The following PTPRN2 variants were observed in gnomAD, a reference collection of about 807,000 sequenced individuals.
PTPRN2 encodes protein tyrosine phosphatase receptor type N2, also known as receptor-type tyrosine-protein phosphatase N2.
In PTPRN2, 74 loss-of-function variants were observed where a neutral mutation model predicts 118.8. The ratio of observed to expected loss-of-function variants is 0.62; its 90% CI spans 0.52 to 0.76. The LOEUF (loss-of-function observed/expected upper bound fraction) is 0.76. Ranked by LOEUF, PTPRN2 falls within the 30% of genes least tolerant of loss-of-function variation. The pLI is 0.00. For synonymous variants in PTPRN2, 641 were observed against 608.0 expected, an observed-to-expected ratio of 1.05 and a Z score of -0.80; for missense variants, 1,481 against 1,394.4, an observed-to-expected ratio of 1.06 and a Z score of -0.99.
intron 3 of PTPRN2, among the ~76,000 whole-genome samples, chr7:158,301,504 CCTACACACCA>C (rs1350323119): frequency 6.6e-6 from 1 of 152,240 alleles, no homozygotes; most frequent in East Asian, 1.9e-4. Context: ...TCCCGGTTAA[CCTACACACCA>C]CTCCCCAGCT....
chr7:157,766,558 C>A (rs1696525854), intron 12 of PTPRN2, among the ~76,000 whole-genome samples: 8 of 152,238 alleles, frequency 5.3e-5, no homozygotes, highest in Admixed American at 5.2e-4. Flanking sequence ...AAAAGCTATT[C>A]TCAGAGCTTC....
At chr7:157,705,029 C>T (rs1298855100) in intron 12 of PTPRN2, among the ~76,000 whole-genome samples, 5 of 152,308 alleles carry the variant, frequency 3.3e-5, no homozygotes, top group South Asian at 4.1e-4. Flanking sequence ...TGTACTTGGC[C>T]GGGCGTGGTG....
At chr7:158,568,140 C>T (rs1185266414) in intron 1 of PTPRN2, among the ~76,000 whole-genome samples, 1 of 152,114 alleles carries the variant, frequency 6.6e-6, no homozygotes, top group Non-Finnish European at 1.5e-5. Flanking sequence ...GTAGTTCCAG[C>T]TACTTGGGAG....
At position 157,629,691 on chromosome 7, in the gene PTPRN2, C is replaced by T. The variant is rs1213044841; in HGVS notation, c.2197-8182G>A. 6.6e-6 allele frequency among the ~76,000 whole-genome samples: 1 copy of T among 152,204 alleles called. No individual in the cohort carries two copies. The highest frequency in any genetic ancestry group is 2.4e-5 in the African/African-American group (1 of 41,452). ...ATGCTGCCAGCAGTGGAGACTTCTT[C>T]CCACTGTAGAACAAGGCGTGTTAAA... On this transcript the variant is annotated intron_variant, in intron 14 of 22. Coordinates refer to ENST00000389418, the MANE Select transcript of PTPRN2 (RefSeq NM_002847.5). This position sits in a 1 kb window ranked among gnomAD's most constrained non-coding sequence, Gnocchi z 4.4.
rs1804707043 is a variant in PTPRN2 at position 157,794,150 on chromosome 7, C to T, written c.1788+104523G>A. ...CTCGCACCTCCCCTCGTTCTCTGCT[C>T]TGACCCGGGCTCGCACCTCTCCTCG... On this transcript the variant is annotated intron_variant, in intron 12 of 22. Transcript: ENST00000389418. This position sits in a 1 kb window ranked among gnomAD's most constrained non-coding sequence, Gnocchi z 5.2. Among the ~76,000 whole-genome samples, 1 of 151,982 alleles carries T rather than the reference C, an allele frequency of 6.6e-6. No homozygotes were observed. The highest frequency in any genetic ancestry group is 1.5e-5 in the Non-Finnish European group (1 of 68,000).
At chr7:158,416,011 C>CT (rs946068206) in intron 2 of PTPRN2, among the ~76,000 whole-genome samples, 2 of 152,214 alleles carry the variant, frequency 1.3e-5, no homozygotes, top group South Asian at 4.1e-4. Context: ...TTCTAGGAAT[C>CT]TAAGTGTTAG....
At chr7:158,344,096 A>C (rs1807300550) in intron 2 of PTPRN2, among the ~76,000 whole-genome samples, 1 of 151,910 alleles carries the variant, frequency 6.6e-6, no homozygotes, top group African/African-American at 2.4e-5. Flanking sequence ...ACCTTCCAAA[A>C]ACACAAAATG....
chr7:157,601,941 C>T (rs1304207701), intron 16 of PTPRN2, among the ~76,000 whole-genome samples: 3 of 152,206 alleles, frequency 2.0e-5, no homozygotes, highest in African/African-American at 2.4e-5. Flanking sequence ...GGAATCCAGG[C>T]GCGCACACCT....
chr7:157,863,298 A>C (rs1810381732), intron 12 of PTPRN2: 1 of 152,120 alleles, frequency 6.6e-6, no homozygotes, highest in Non-Finnish European at 1.5e-5. Context: ...GTGCCACAAA[A>C]CCTTTGCTTT....
chr7:157,739,972 G>A (rs997028311), intron 12 of PTPRN2, among the ~76,000 whole-genome samples: 20 of 152,236 alleles, frequency 1.3e-4, no homozygotes, highest in East Asian at 1.9e-4. Flanking sequence ...CAGGGAGAGC[G>A]GAATCACTGG....
chr7:158,229,264 G>T (rs976596259), intron 3 of PTPRN2, among the ~76,000 whole-genome samples: 1 of 152,024 alleles, frequency 6.6e-6, no homozygotes, highest in African/African-American at 2.4e-5. Context: ...CTAAGCAAAT[G>T]TATCCAATAA....
rs1434457573 is a variant in PTPRN2 at position 157,615,716 on chromosome 7, A to G, written c.2344+5646T>C. On this transcript the variant is annotated intron_variant, in intron 15 of 22. Transcript: ENST00000389418. This position sits in a 1 kb window ranked among gnomAD's most constrained non-coding sequence, Gnocchi z 4.3. ...ATGGTGCCGAGCTGAGAGGGAGGTG[A>G]CGCAGTGACTCAGGAACCACAAGCT... 2.4e-6 allele frequency: 1 copy of G among 418,380 alleles called. No individual in the cohort carries two copies. The allele number at this position is 418,380 out of a possible 1,614,324, so 25.9% of individuals were successfully genotyped here.
chr7:158,332,866 A>G (rs1237316066), intron 2 of PTPRN2, among the ~76,000 whole-genome samples: 2 of 143,858 alleles, frequency 1.4e-5, no homozygotes, highest in African/African-American at 5.6e-5. Context: ...TCACACCCAC[A>G]CTCTCACCAT....
At chr7:157,976,943 C>A (rs930321807) in intron 11 of PTPRN2, among the ~76,000 whole-genome samples, 1 of 151,614 alleles carries the variant, frequency 6.6e-6, no homozygotes, top group African/African-American at 2.4e-5. Flanking sequence ...TGAATCAAAT[C>A]GAAGTTTATT....
chr7:157,664,906 A>G lies in PTPRN2; in HGVS notation c.2002-8355T>C, dbSNP rs538483772. On this transcript the variant is annotated intron_variant, in intron 13 of 22. Coordinates refer to ENST00000389418, the MANE Select transcript of PTPRN2 (RefSeq NM_002847.5). Reference sequence around the variant, plus strand: ...TCATGTTTTGAAATTTCCCTGATTTATAATCCTCGGTAAACACAAAGGGTG... The same window carrying G: ...TCATGTTTTGAAATTTCCCTGATTTGTAATCCTCGGTAAACACAAAGGGTG... Among the ~76,000 whole-genome samples the G allele has an allele frequency of 1.1e-4, 16 of 152,380 alleles. No homozygotes were observed. The South Asian group carries it at 3.3e-3, about 32-fold the overall frequency.
chr7:158,206,021 TG>T (rs990596854), intron 3 of PTPRN2, among the ~76,000 whole-genome samples: 4 of 152,160 alleles, frequency 2.6e-5, no homozygotes, highest in African/African-American at 9.7e-5. Context: ...CTACAATTCC[TG>T]GGCAAGTCCT....
At chr7:158,079,595 G>A (rs2128929231) in intron 11 of PTPRN2, among the ~76,000 whole-genome samples, 1 of 152,332 alleles carries the variant, frequency 6.6e-6, no homozygotes, top group South Asian at 2.1e-4. Flanking sequence ...TTGCTCCCCA[G>A]TACTGGAGAA....
At chr7:157,597,397 C>CTATT (rs1801404534) in intron 16 of PTPRN2, among the ~76,000 whole-genome samples, 1 of 151,790 alleles carries the variant, frequency 6.6e-6, no homozygotes, top group East Asian at 1.9e-4. Flanking sequence ...GGGGTGACAG[C>CTATT]TATTTACAGA....
intron 9 of PTPRN2, among the ~76,000 whole-genome samples, chr7:158,132,493 A>T (rs768747179): frequency 1.3e-5 from 2 of 152,096 alleles, no homozygotes; most frequent in Non-Finnish European, 2.9e-5. Flanking sequence ...ACGCACGCAC[A>T]TGCACATACA....
Sources: gnomAD v4.1 joint callset for allele counts (sites outside exome capture counted in the v4.1 genomes callset) on GRCh38, gnomAD v4.1.1 for gene constraint, Gnocchi (gnomAD v3.1) non-coding constraint, MANE v1.5 for transcripts, NCBI Gene and HGNC (gene_info 2026-07-23, HGNC 2026-07-21) for gene names.